The following PRCP variants were observed in gnomAD, a reference collection of about 807,000 sequenced individuals.
PRCP encodes prolylcarboxypeptidase, also known as lysosomal Pro-X carboxypeptidase.
Under a neutral mutation model 54.2 loss-of-function variants are expected in PRCP, and 46 were observed. That is an observed-to-expected ratio of 0.85 (90% CI 0.67 to 1.09). PRCP has a LOEUF of 1.09. Among genes scored for constraint, PRCP ranks in the 50% least tolerant of loss-of-function variants. The pLI is 0.00. For missense variants in PRCP, 613 were observed against 596.8 expected (o/e 1.03, Z -0.28); for synonymous variants, 240 against 212.2 (o/e 1.13, Z -1.14).
intron 2 of PRCP, among the ~76,000 whole-genome samples, chr11:82,854,623 A>G (rs893663075): frequency 2.0e-5 from 3 of 151,848 alleles, no homozygotes; most frequent in African/African-American, 7.3e-5. Flanking sequence ...CAAATTACCA[A>G]CATCATTTTT....
chr11:82,836,971 T>C (rs1858544847), intron 8 of PRCP: 2 of 309,686 alleles, frequency 6.5e-6, no homozygotes, highest in African/African-American at 2.3e-5. Flanking sequence ...TCAAGGAATA[T>C]GTCATTTAAG....
intron 1 of PRCP, among the ~76,000 whole-genome samples, chr11:82,861,582 C>T (rs1249829376): frequency 6.6e-6 from 1 of 152,060 alleles, no homozygotes; most frequent in African/African-American, 2.4e-5. Context: ...CACATATCAC[C>T]TATGACGTAT....
At chr11:82,878,532 G>A (rs1161527957) in intron 1 of PRCP, among the ~76,000 whole-genome samples, 1 of 152,210 alleles carries the variant, frequency 6.6e-6, no homozygotes, top group Non-Finnish European at 1.5e-5. Context: ...AGTCTCATGA[G>A]ATCTGATGGG....
chr11:82,865,880 G>A (rs1212360317), intron 1 of PRCP, among the ~76,000 whole-genome samples: 2 of 152,268 alleles, frequency 1.3e-5, no homozygotes, highest in East Asian at 1.9e-4. Flanking sequence ...AGAAGAACAC[G>A]GGTTCCCAAA....
chr11:82,860,032 G>C lies in PRCP; in HGVS notation c.254C>G (p.Ser85Ter). Residue 85 changes from serine (S) to a stop codon, truncating the protein, a stop_gained, in exon 2 of 9, where the codon TCA becomes TGA. Transcript: ENST00000313010. LOFTEE classifies it high-confidence loss of function. Reference protein sequence around the residue: ...ADKYWKKNGGSILFYTGNEGD... With the variant: ...ADKYWKKNGG ...TTCATTACCAGTGTAGAAAAGTATT[G>C]ATCCACCATTTTTCTTCCAGTATTT... 1 of 1,593,684 alleles carries C rather than the reference G, an allele frequency of 6.3e-7. No homozygotes were observed. Among genetic ancestry groups the C allele is most frequent in the Non-Finnish European group, 8.5e-7 (1 of 1,170,878 alleles).
chr11:82,898,695 T>C, intron 1 of PRCP, among the ~76,000 whole-genome samples: 1 of 152,250 alleles, frequency 6.6e-6, no homozygotes, highest in African/African-American at 2.4e-5. Flanking sequence ...CATTGGTCCT[T>C]GTCCCAACCC....
At chr11:82,844,340 T>C (rs928028126) in intron 6 of PRCP, among the ~76,000 whole-genome samples, 4 of 152,138 alleles carry the variant, frequency 2.6e-5, no homozygotes, top group Non-Finnish European at 5.9e-5. Flanking sequence ...GGAGGATCCC[T>C]TGAGCCCAGG....
intron 6 of PRCP, chr11:82,843,172 G>A (rs995505830): frequency 6.6e-6 from 1 of 152,220 alleles, no homozygotes; most frequent in Non-Finnish European, 1.5e-5. Flanking sequence ...AACCAGGTGT[G>A]ATGGCACGTG....
chr11:82,856,267 T>C lies in PRCP; in HGVS notation c.310-2989A>G, dbSNP rs371841635. Among the ~76,000 whole-genome samples the C allele has an allele frequency of 1.6e-4, 25 of 152,316 alleles. No individual in the cohort carries two copies. In the East Asian group the frequency reaches 1.7e-3, roughly 11 times the overall value. On this transcript the variant is annotated intron_variant, in intron 2 of 8. Transcript: ENST00000313010. ...CAATATCAAAGACACAGAATCAACC[T>C]AGATACCCTTCAAGAGTGGACTGGA...
At chr11:82,840,013 G>C (rs745321875) in intron 6 of PRCP, 1 of 151,736 alleles carries the variant, frequency 6.6e-6, no homozygotes, top group African/African-American at 2.4e-5. Context: ...ACTTAGCAAG[G>C]TATCTGGTAA....
rs13306599 is a variant in PRCP at position 82,849,307 on chromosome 11, A to G, written c.752-89T>C. 27 of 1,417,742 alleles carry G rather than the reference A, an allele frequency of 1.9e-5. No homozygotes were observed. In the East Asian group the frequency reaches 6.4e-4, roughly 33 times the overall value. The allele number at this position is 1,417,742 out of a possible 1,614,324, so 87.8% of individuals were successfully genotyped here. On this transcript the variant is annotated intron_variant, in intron 5 of 8. Coordinates refer to ENST00000313010, the MANE Select transcript of PRCP (RefSeq NM_005040.4). ...ATTTATTCTTCACATAGTATTTTAG[A>G]AAACTCAATCTTTTATACCCCTTCT...
intron 8 of PRCP, chr11:82,828,097 C>A (rs1233970491): frequency 1.3e-5 from 2 of 152,156 alleles, no homozygotes; most frequent in Non-Finnish European, 2.9e-5. Flanking sequence ...TTCATTGTAA[C>A]AACCCTATGA....
At chr11:82,881,781 C>T (rs1290192547) in intron 1 of PRCP, among the ~76,000 whole-genome samples, 2 of 152,018 alleles carry the variant, frequency 1.3e-5, no homozygotes, top group Non-Finnish European at 2.9e-5. Context: ...AGTTTTCTAT[C>T]CCATGTGAAC....
intron 1 of PRCP, among the ~76,000 whole-genome samples, chr11:82,863,096 A>C (rs1859246514): frequency 6.6e-6 from 1 of 152,220 alleles, no homozygotes; most frequent in South Asian, 2.1e-4. Context: ...GAACTTGCTG[A>C]AAATGCAATC....
chr11:82,884,588 C>T (rs1169128967), intron 1 of PRCP, among the ~76,000 whole-genome samples: 5 of 152,146 alleles, frequency 3.3e-5, no homozygotes, highest in Non-Finnish European at 2.9e-5. Flanking sequence ...AAGTCTTAAA[C>T]ATATAAACAC....
intron 8 of PRCP, chr11:82,826,723 T>C (rs1384059280): frequency 6.6e-6 from 1 of 152,244 alleles, no homozygotes; most frequent in Non-Finnish European, 1.5e-5. Flanking sequence ...AAACATCTTA[T>C]GTGCTGATTG....
chr11:82,872,546 G>C (rs572529189), intron 1 of PRCP, among the ~76,000 whole-genome samples: 2 of 152,284 alleles, frequency 1.3e-5, no homozygotes, highest in East Asian at 3.9e-4. Context: ...TGTGACAATG[G>C]AAGCAGAGAC....
intron 6 of PRCP, among the ~76,000 whole-genome samples, chr11:82,844,592 G>A (rs1379040539): frequency 6.6e-6 from 1 of 151,426 alleles, no homozygotes; most frequent in Non-Finnish European, 1.5e-5. Flanking sequence ...CAAAAATCAG[G>A]CACAGTGGTG....
chr11:82,886,211 C>T (rs1859858929), intron 1 of PRCP, among the ~76,000 whole-genome samples: 1 of 152,184 alleles, frequency 6.6e-6, no homozygotes, highest in Non-Finnish European at 1.5e-5. Context: ...AACTAAAATT[C>T]TGCTTATTCT....
Sources: allele counts gnomAD v4.1 joint callset (sites outside exome capture counted in the v4.1 genomes callset), GRCh38; gene constraint gnomAD v4.1.1; transcripts MANE v1.5; gene names NCBI Gene and HGNC (gene_info 2026-07-23, HGNC 2026-07-21).